KANSL1: variants seen among roughly 807,000 people sequenced by gnomAD.
KANSL1 encodes the protein KAT8 regulatory NSL complex subunit 1.
Under a neutral mutation model 103.6 loss-of-function variants are expected in KANSL1, and 22 were observed. The observed-to-expected ratio is 0.21, with a 90% CI of 0.15 to 0.30. KANSL1 has a LOEUF of 0.30. KANSL1 is among the 10% of genes least tolerant of loss of function. The pLI is 1.00. For synonymous variants in KANSL1, 600 were observed against 527.6 expected (o/e 1.14, Z -1.88); for missense variants, 1,337 against 1,399.8 (o/e 0.96, Z 0.72).
intron 2 of KANSL1, among the ~76,000 whole-genome samples, chr17:46,161,431 G>A (rs2045737148): frequency 6.7e-6 from 1 of 148,916 alleles, no homozygotes. Flanking sequence ...GCGAGACTCT[G>A]TCTCAAAAAA....
In KANSL1 at chr17:46,082,432, T is replaced by C. The variant is rs761638144; in HGVS notation, c.1533+9A>G. ...CACGCATTTCCCCCTTTCTATCTTT[T>C]ATACTTACCAATTTATCAGTCCCAT... On this transcript the variant is annotated intron_variant, in intron 4 of 14. Transcript: ENST00000432791. 5.7e-6 allele frequency: 9 copies of C among 1,573,952 alleles called. No individual in the cohort carries two copies. The highest frequency in any genetic ancestry group is 7.9e-6 in the Non-Finnish European group (9 of 1,143,840).
chr17:46,105,936 CACACACACACA>C (rs2042535451), intron 2 of KANSL1, among the ~76,000 whole-genome samples: 1 of 77,664 alleles, frequency 1.3e-5, no homozygotes, highest in African/African-American at 4.0e-5. Context: ...CACACACACA[CACACACACACA>C]CCCCCCCAGA....
At chr17:46,144,216 A>G (rs1279233681) in intron 2 of KANSL1, among the ~76,000 whole-genome samples, 2 of 152,264 alleles carry the variant, frequency 1.3e-5, no homozygotes, top group African/African-American at 2.4e-5. Flanking sequence ...ATTACTTGCG[A>G]GACCAGGTGA....
chr17:46,045,696 G>A (rs921761753), intron 7 of KANSL1: 1 of 152,036 alleles, frequency 6.6e-6, no homozygotes, highest in Non-Finnish European at 1.5e-5. Flanking sequence ...TATGCGGCAG[G>A]GCAGCATTCA....
chr17:46,096,618 C>A (rs2042097443), intron 2 of KANSL1, among the ~76,000 whole-genome samples: 1 of 151,666 alleles, frequency 6.6e-6, no homozygotes, highest in Non-Finnish European at 1.5e-5. Flanking sequence ...CTGCACCCAG[C>A]CCTGACTAAC....
intron 2 of KANSL1, among the ~76,000 whole-genome samples, chr17:46,106,231 C>T (rs1350711510): frequency 6.6e-6 from 1 of 152,164 alleles, no homozygotes; most frequent in East Asian, 1.9e-4. Flanking sequence ...AGCCCCCAGT[C>T]AGCTACTGAG....
intron 2 of KANSL1, among the ~76,000 whole-genome samples, chr17:46,132,422 C>T (rs1402250367): frequency 6.6e-6 from 1 of 152,162 alleles, no homozygotes; most frequent in African/African-American, 2.4e-5. Context: ...TTGGCAGGGG[C>T]CTTTCAATAA....
At chr17:46,155,724 G>GA (rs1242220267) in intron 2 of KANSL1, among the ~76,000 whole-genome samples, 1 of 152,014 alleles carries the variant, frequency 6.6e-6, no homozygotes, top group Non-Finnish European at 1.5e-5. Flanking sequence ...ACACAGAAGA[G>GA]GAGCATAACA....
At chr17:46,197,600 A>T (rs938155563), upstream of KANSL1, among the ~76,000 whole-genome samples, 3 of 152,250 alleles carry the variant, frequency 2.0e-5, no homozygotes, top group Non-Finnish European at 4.4e-5. Context: ...CCAAGATCAC[A>T]CCACTGCACT....
chr17:46,155,684 A>G (rs573381653), intron 2 of KANSL1, among the ~76,000 whole-genome samples: 5 of 152,364 alleles, frequency 3.3e-5, no homozygotes, highest in East Asian at 3.9e-4. Flanking sequence ...ACCTGCCTAA[A>G]AAACATTCAT....
intron 4 of KANSL1, among the ~76,000 whole-genome samples, chr17:46,079,119 C>T (rs2078894145): frequency 6.6e-6 from 1 of 152,212 alleles, no homozygotes; most frequent in Non-Finnish European, 1.5e-5. Context: ...AAACAGTACC[C>T]ACTTCCCTAA....
chr17:46,066,358 C>A (rs1461852070), intron 6 of KANSL1, among the ~76,000 whole-genome samples, 179 bp downstream of exon 6: 1 of 152,164 alleles, frequency 6.6e-6, no homozygotes, highest in Non-Finnish European at 1.5e-5. Flanking sequence ...TTTCTGAAAA[C>A]AAGATTCCAA....
chr17:46,218,072 G>A (rs1597991513), intron 1 of KANSL1, among the ~76,000 whole-genome samples: 1 of 152,324 alleles, frequency 6.6e-6, no homozygotes, highest in African/African-American at 2.4e-5. Context: ...ATAAGGACTG[G>A]AGTTATGCTG....
intron 2 of KANSL1, among the ~76,000 whole-genome samples, chr17:46,154,647 C>G (rs1345850012): frequency 6.6e-6 from 1 of 152,184 alleles, no homozygotes; most frequent in Non-Finnish European, 1.5e-5. Context: ...TAAAAGTGGT[C>G]TGACTCACCA....
At chr17:46,032,566 C>A in intron 13 of KANSL1, 2 of 410,234 alleles carry the variant, frequency 4.9e-6, no homozygotes, top group Non-Finnish European at 8.6e-6. Flanking sequence ...TAGGGAGATT[C>A]GTGTAGACTT....
chr17:46,099,784 T>C (rs1236859858), intron 2 of KANSL1, among the ~76,000 whole-genome samples: 2 of 152,282 alleles, frequency 1.3e-5, no homozygotes, highest in Non-Finnish European at 2.9e-5. Context: ...ACTGTAGTTA[T>C]CACCTGAGTG....
rs899047175 is a variant in KANSL1, at chr17:46,066,504, G to A, written c.1848+33C>T. 3 of 1,555,284 alleles carry A rather than the reference G, an allele frequency of 1.9e-6. No individual in the cohort carries two copies. In the African/African-American group the frequency reaches 4.1e-5, roughly 21 times the overall value. On this transcript the variant is annotated intron_variant, in intron 6 of 14. Coordinates refer to ENST00000432791, the MANE Select transcript of KANSL1 (RefSeq NM_015443.4). ...ACTCTATCTGAGCATCTGGCTCACT[G>A]CTTGACAATGACCAACTCTCATCTG... is the stretch of plus-strand genomic sequence containing the variant.
chr17:46,152,102 G>T lies in KANSL1; in HGVS notation c.1289+18753C>A, dbSNP rs565038643. On this transcript the variant is annotated intron_variant, in intron 2 of 14. Transcript: ENST00000432791. ...AACACAACAAATGTTAACTGGGTGA[G>T]AGTCCTCAAAGGTACTTACAGTGGG... 3.0e-4 allele frequency among the ~76,000 whole-genome samples: 45 copies of T among 152,362 alleles called. 1 individual carries two copies. The highest frequency in any genetic ancestry group is 1.0e-3 in the African/African-American group (43 of 41,586).
At chr17:46,198,737 C>T (rs1163331212), upstream of KANSL1, among the ~76,000 whole-genome samples, 1 of 152,204 alleles carries the variant, frequency 6.6e-6, no homozygotes, top group Non-Finnish European at 1.5e-5. Context: ...GTTTCAAAAA[C>T]AAAATCCCTG....
Sources: allele counts gnomAD v4.1 joint callset (sites outside exome capture counted in the v4.1 genomes callset), GRCh38; gene constraint gnomAD v4.1.1; transcripts MANE v1.5; gene names NCBI Gene and HGNC (gene_info 2026-07-23, HGNC 2026-07-21).